GRIK2: variants seen among roughly 807,000 people sequenced by gnomAD.
GRIK2 encodes glutamate ionotropic receptor kainate type subunit 2.
In GRIK2, 32 loss-of-function variants were observed where a neutral mutation model predicts 100.3. The observed-to-expected ratio is 0.32, with a 90% CI of 0.24 to 0.43. The LOEUF (loss-of-function observed/expected upper bound fraction) is 0.43. Among genes scored for constraint, GRIK2 ranks in the 20% least tolerant of loss-of-function variants. GRIK2 has a pLI of 1.00. For missense variants in GRIK2, 843 were observed against 1,114.9 expected, an observed-to-expected ratio of 0.76 and a Z score of 3.47; for synonymous variants, 417 against 389.4, an observed-to-expected ratio of 1.07 and a Z score of -0.83.
At chr6:101,507,766 G>A (rs547576648) in intron 2 of GRIK2, among the ~76,000 whole-genome samples, 54 of 152,242 alleles carry the variant, frequency 3.5e-4, no homozygotes, top group African/African-American at 1.2e-3. Context: ...TAAAGAGCAG[G>A]CAAGAAGAAT....
chr6:101,491,603 C>T (rs1357163683), intron 2 of GRIK2, among the ~76,000 whole-genome samples: 1 of 151,960 alleles, frequency 6.6e-6, no homozygotes, highest in African/African-American at 2.4e-5. Flanking sequence ...TTATATTTGT[C>T]TCCCGTCTCT....
intron 4 of GRIK2, among the ~76,000 whole-genome samples, chr6:101,658,431 A>G (rs994203817): frequency 5.3e-5 from 8 of 152,154 alleles, no homozygotes; most frequent in African/African-American, 1.9e-4. Context: ...TATGTGCCAC[A>G]TTCTCTTTAT....
chr6:101,640,790 G>C (rs1327741542), intron 4 of GRIK2, among the ~76,000 whole-genome samples: 2 of 151,992 alleles, frequency 1.3e-5, no homozygotes, highest in Non-Finnish European at 2.9e-5. Flanking sequence ...CATTAGTTTA[G>C]TAACTCCACT....
chr6:101,649,679 GA>G (rs1302591010), intron 4 of GRIK2, among the ~76,000 whole-genome samples: 2 of 152,088 alleles, frequency 1.3e-5, no homozygotes, highest in Non-Finnish European at 2.9e-5. Flanking sequence ...GGAGATTTAA[GA>G]TTATAGCAAA....
At chr6:101,642,922 A>T (rs1158718177) in intron 4 of GRIK2, among the ~76,000 whole-genome samples, 2 of 151,638 alleles carry the variant, frequency 1.3e-5, no homozygotes, top group East Asian at 1.9e-4. Flanking sequence ...ACTCATGTTG[A>T]TGGGTGTAAG....
intron 14 of GRIK2, among the ~76,000 whole-genome samples, chr6:102,031,131 C>T (rs1308088620): frequency 8.4e-6 from 1 of 118,910 alleles, no homozygotes; most frequent in Non-Finnish European, 1.9e-5. Flanking sequence ...ACACACACCC[C>T]CTTTGAGTTT....
At chr6:101,539,614 A>G (rs1044709818) in intron 2 of GRIK2, among the ~76,000 whole-genome samples, 1 of 151,768 alleles carries the variant, frequency 6.6e-6, no homozygotes, top group Non-Finnish European at 1.5e-5. Flanking sequence ...TTCTTCATGT[A>G]GGTTTCTAGT....
chr6:101,887,842 T>C (rs910671188), intron 11 of GRIK2, among the ~76,000 whole-genome samples: 39 of 152,018 alleles, frequency 2.6e-4, no homozygotes, highest in African/African-American at 8.7e-4. Flanking sequence ...ACCACCTCCA[T>C]GATGCAATCA....
intron 4 of GRIK2, among the ~76,000 whole-genome samples, chr6:101,629,569 TCTTA>T (rs937954207): frequency 6.6e-6 from 1 of 152,146 alleles, no homozygotes; most frequent in Admixed American, 6.6e-5. Context: ...AATTGTTGCC[TCTTA>T]CTTTACAGCA....
At chr6:102,066,176 C>A (rs1391027510) in intron 16 of GRIK2, among the ~76,000 whole-genome samples, 1 of 151,212 alleles carries the variant, frequency 6.6e-6, no homozygotes, top group Non-Finnish European at 1.5e-5. Context: ...TAAAGTTTTG[C>A]CTAATTTTAT....
At chr6:101,883,289 A>AAATAATAAT (rs143808702) in intron 11 of GRIK2, among the ~76,000 whole-genome samples, 10,131 of 144,206 alleles carry the variant, frequency 0.07, 483 homozygotes, top group African/African-American at 0.12. Context: ...TCTCTTTGGC[A>AAATAATAAT]AATAATAATA....
intron 2 of GRIK2, among the ~76,000 whole-genome samples, chr6:101,620,588 C>T (rs1002956653): frequency 5.9e-5 from 9 of 152,078 alleles, no homozygotes; most frequent in Non-Finnish European, 1.5e-5. Context: ...GTATAGTCAC[C>T]TGACATTCAT....
At chr6:102,037,941 A>T (rs1237049609) in intron 15 of GRIK2, among the ~76,000 whole-genome samples, 1 of 151,430 alleles carries the variant, frequency 6.6e-6, no homozygotes. Flanking sequence ...GAAAAATCAT[A>T]TACTCTTAAA....
chr6:101,562,966 G>T (rs536192755), intron 2 of GRIK2, among the ~76,000 whole-genome samples: 1 of 152,134 alleles, frequency 6.6e-6, no homozygotes, highest in Non-Finnish European at 1.5e-5. Context: ...AGCTTTATAA[G>T]CTGCTATGCT....
intron 9 of GRIK2, among the ~76,000 whole-genome samples, chr6:101,804,185 T>A (rs1780842224): frequency 6.6e-6 from 1 of 151,976 alleles, no homozygotes; most frequent in South Asian, 2.1e-4. Context: ...TTGAATATGT[T>A]GAATTATTGA....
At chr6:101,636,869 C>T (rs1245746253) in intron 4 of GRIK2, among the ~76,000 whole-genome samples, 1 of 152,128 alleles carries the variant, frequency 6.6e-6, no homozygotes, top group Non-Finnish European at 1.5e-5. Context: ...TTGGTAGGTA[C>T]TGCCCTCCTG....
chr6:101,646,181 G>A (rs1350718533), intron 4 of GRIK2, among the ~76,000 whole-genome samples: 1 of 151,896 alleles, frequency 6.6e-6, no homozygotes, highest in Non-Finnish European at 1.5e-5. Context: ...GGCATGGCTT[G>A]TAGTAGATGC....
chr6:101,681,560 A>G (rs1355419193), intron 5 of GRIK2, among the ~76,000 whole-genome samples: 2 of 152,020 alleles, frequency 1.3e-5, no homozygotes, highest in African/African-American at 4.8e-5. Flanking sequence ...TGTTACAAAC[A>G]ATCCATTTAT....
intron 2 of GRIK2, among the ~76,000 whole-genome samples, chr6:101,439,775 T>C (rs1582454917): frequency 6.6e-6 from 1 of 152,264 alleles, no homozygotes; most frequent in East Asian, 1.9e-4. Flanking sequence ...TTACCTATGA[T>C]GTAATTATTT....
Sources: gnomAD v4.1 joint callset for allele counts (sites outside exome capture counted in the v4.1 genomes callset) on GRCh38, gnomAD v4.1.1 for gene constraint, MANE v1.5 for transcripts, NCBI Gene and HGNC (gene_info 2026-07-23, HGNC 2026-07-21) for gene names.